The following CDK5RAP1 variants were observed in gnomAD, a reference collection of about 807,000 sequenced individuals.
CDK5RAP1 encodes mitochondrial tRNA methylthiotransferase CDK5RAP1.
In CDK5RAP1, 62 loss-of-function variants were observed where a neutral mutation model predicts 64.5. That is an observed-to-expected ratio of 0.96 (90% CI 0.78 to 1.19). The LOEUF (loss-of-function observed/expected upper bound fraction) is 1.19. Among genes scored for constraint, CDK5RAP1 ranks in the 50% most tolerant of loss-of-function variants. The pLI, the probability that CDK5RAP1 is intolerant of heterozygous loss-of-function variation, is 0.00. For synonymous variants in CDK5RAP1, 250 were observed against 261.9 expected, an observed-to-expected ratio of 0.95 and a Z score of 0.44; for missense variants, 657 against 735.0, an observed-to-expected ratio of 0.89 and a Z score of 1.23.
intron 5 of CDK5RAP1, among the ~76,000 whole-genome samples, chr20:33,389,890 AT>A (rs1039981033): frequency 2.6e-5 from 4 of 152,290 alleles, no homozygotes; most frequent in South Asian, 4.1e-4. Flanking sequence ...GGAAAAAAAA[AT>A]AATTTTTCAA....
intron 1 of CDK5RAP1, 46 bp downstream of exon 1, chr20:33,401,382 A>C: frequency 1.0e-6 from 1 of 985,010 alleles, no homozygotes; most frequent in Non-Finnish European, 1.2e-6. Context: ...CCCAGGCGCC[A>C]GTCAAAAGCG....
intron 8 of CDK5RAP1, among the ~76,000 whole-genome samples, chr20:33,376,214 A>G (rs1336401353): frequency 6.6e-6 from 1 of 152,140 alleles, no homozygotes; most frequent in Non-Finnish European, 1.5e-5. Context: ...AGTCCCAGCT[A>G]CTTGGGAGGC....
chr20:33,371,778 G>A (rs1214767490), intron 10 of CDK5RAP1, among the ~76,000 whole-genome samples: 3 of 151,822 alleles, frequency 2.0e-5, no homozygotes, highest in Admixed American at 2.0e-4. Context: ...GCAAGATTCT[G>A]TCTCAAAAAA....
chr20:33,359,126 G>A lies in CDK5RAP1; in HGVS notation c.1684-3C>T. On this transcript the variant is annotated splice_region_variant and splice_polypyrimidine_tract_variant and intron_variant, in intron 13 of 13. Coordinates refer to ENST00000346416, the MANE Select transcript of CDK5RAP1 (RefSeq NM_016408.4). Reference sequence around the variant, plus strand: ...GTCTGAGAACTGGCTGAGGTGATCTGAAAGAAAACCAGGCAGAAGAAGGCA... The same window carrying A: ...GTCTGAGAACTGGCTGAGGTGATCTAAAAGAAAACCAGGCAGAAGAAGGCA... 6.2e-7 allele frequency: 1 copy of A among 1,612,316 alleles called. No individual in the cohort carries two copies. The highest frequency in any genetic ancestry group is 8.5e-7 in the Non-Finnish European group (1 of 1,178,486).
At chr20:33,389,042 C>CCACCCCGT (rs1240937162) in intron 5 of CDK5RAP1, among the ~76,000 whole-genome samples, 1 of 152,038 alleles carries the variant, frequency 6.6e-6, no homozygotes, top group Non-Finnish European at 1.5e-5. Flanking sequence ...TGCCCGGCCG[C>CCACCCCGT]CACCCCGTCT....
chr20:33,396,147 G>A (rs1029663350), intron 2 of CDK5RAP1, among the ~76,000 whole-genome samples: 1 of 152,168 alleles, frequency 6.6e-6, no homozygotes, highest in African/African-American at 2.4e-5. Context: ...TAGCAGCAGT[G>A]GCCAGAGGGT....
chr20:33,372,603 A>T, intron 10 of CDK5RAP1, 39 bp downstream of exon 10: 2 of 1,166,528 alleles, frequency 1.7e-6, no homozygotes, highest in Non-Finnish European at 2.4e-6. Flanking sequence ...GGTCACTGGT[A>T]GAGTAACATG....
chr20:33,366,338 A>G (rs1041429250), intron 12 of CDK5RAP1, among the ~76,000 whole-genome samples: 140 of 148,412 alleles, frequency 9.4e-4, no homozygotes, highest in African/African-American at 3.3e-3. Context: ...AAAAAAAAAA[A>G]AGGCCGGGCA....
intron 8 of CDK5RAP1, among the ~76,000 whole-genome samples, chr20:33,378,980 C>T (rs1186325829): frequency 1.3e-5 from 2 of 152,106 alleles, no homozygotes; most frequent in Non-Finnish European, 1.5e-5. Context: ...GACAGGGTCT[C>T]GCTATCTCAC....
chr20:33,387,620 G>A (rs1453231627), intron 5 of CDK5RAP1, 87 bp from the exon 6 acceptor site: 2 of 1,079,022 alleles, frequency 1.9e-6, no homozygotes, highest in Non-Finnish European at 2.8e-6. Flanking sequence ...CTGTAGCTGG[G>A]ATTAGAGACC....
intron 2 of CDK5RAP1, 115 bp downstream of exon 2, chr20:33,396,646 C>T (rs1988920416): frequency 1.3e-6 from 1 of 786,022 alleles, no homozygotes; most frequent in Non-Finnish European, 2.1e-6. Flanking sequence ...ATGATTCCCA[C>T]AGCCTTCCCA....
chr20:33,399,259 G>A (rs1015417142), intron 1 of CDK5RAP1, among the ~76,000 whole-genome samples: 1 of 151,794 alleles, frequency 6.6e-6, no homozygotes, highest in African/African-American at 2.4e-5. Flanking sequence ...CTCCAGCCAT[G>A]CCACACTTCT....
intron 9 of CDK5RAP1, chr20:33,373,245 G>C (rs6120244): frequency 1.5e-5 from 2 of 132,916 alleles, no homozygotes; most frequent in African/African-American, 5.6e-5. Flanking sequence ...TGTGTGTGTA[G>C]GGACTGGGTT....
chr20:33,401,552 GGGTCAT>G (rs529249990), upstream of CDK5RAP1: 4,550 of 985,396 alleles, frequency 4.6e-3, 15 homozygotes, highest in Admixed American at 8.4e-3. Flanking sequence ...ACTTCAGGCC[GGGTCAT>G]GCTAACGGAA....
chr20:33,373,070 C>T, intron 9 of CDK5RAP1: 1 of 202,504 alleles, frequency 4.9e-6, no homozygotes, highest in Non-Finnish European at 9.9e-6. Context: ...CGCCACCACA[C>T]CCAGCTAGTG....
intron 1 of CDK5RAP1, among the ~76,000 whole-genome samples, chr20:33,397,408 TC>T (rs1454129293): frequency 6.6e-6 from 1 of 152,198 alleles, no homozygotes; most frequent in African/African-American, 2.4e-5. Context: ...GTGTATTAAC[TC>T]ATTAAATCTT....
At chr20:33,389,337 C>A (rs1370090390) in intron 5 of CDK5RAP1, among the ~76,000 whole-genome samples, 1 of 150,046 alleles carries the variant, frequency 6.7e-6, no homozygotes, top group Non-Finnish European at 1.5e-5. Context: ...GTGAGGAGCC[C>A]CTCCGCGCGG....
intron 11 of CDK5RAP1, among the ~76,000 whole-genome samples, chr20:33,368,706 TAC>T (rs1984457819): frequency 6.6e-6 from 1 of 151,842 alleles, no homozygotes; most frequent in Non-Finnish European, 1.5e-5. Flanking sequence ...ACCCCATCTC[TAC>T]TAAAAATACA....
rs760997005 is a variant in CDK5RAP1, at chr20:33,394,031, C to T, written c.443+1G>A. 1 of 1,592,710 alleles carries T rather than the reference C, an allele frequency of 6.3e-7. No homozygotes were observed. Among genetic ancestry groups the T allele is most frequent in the East Asian group, 2.2e-5 (1 of 44,812 alleles). On this transcript the variant is annotated splice_donor_variant, in intron 4 of 13. Transcript: ENST00000346416. LOFTEE classifies it high-confidence loss of function. ...CTCCTAGGAAAAGAACAAATTCGCA[C>T]CTGATAGAGCATGTGACAAGGAGAA...
Sources: gnomAD v4.1 joint callset for allele counts (sites outside exome capture counted in the v4.1 genomes callset) on GRCh38, gnomAD v4.1.1 for gene constraint, MANE v1.5 for transcripts, NCBI Gene and HGNC (gene_info 2026-07-23, HGNC 2026-07-21) for gene names.